The following MAPRE2 variants were observed in gnomAD, a reference collection of about 807,000 sequenced individuals.
The protein encoded by MAPRE2 is microtubule associated protein RP/EB family member 2, also known as microtubule-associated protein RP/EB family member 2.
Under a neutral mutation model 43.2 loss-of-function variants are expected in MAPRE2, and 13 were observed. That is an observed-to-expected ratio of 0.30 (90% CI 0.20 to 0.48). The LOEUF (loss-of-function observed/expected upper bound fraction) is 0.48, where lower values mean the gene tolerates loss of function less well. Ranked by LOEUF, MAPRE2 falls within the 20% of genes least tolerant of loss-of-function variation. MAPRE2 has a pLI of 0.99. For missense variants in MAPRE2, 161 were observed against 400.2 expected (o/e 0.40, Z 5.10); for synonymous variants, 135 against 148.8 (o/e 0.91, Z 0.68).
intron 6 of MAPRE2, among the ~76,000 whole-genome samples, chr18:35,138,870 C>T (rs1451168363): frequency 1.3e-5 from 2 of 152,136 alleles, no homozygotes; most frequent in East Asian, 1.9e-4. Context: ...TACTGCCTCT[C>T]AGAAAATAAG....
intron 1 of MAPRE2, 132 bp downstream of exon 1, chr18:35,041,793 T>G: frequency 6.6e-7 from 1 of 1,509,738 alleles, no homozygotes; most frequent in South Asian, 1.3e-5. Flanking sequence ...GCGGTTGTGA[T>G]TATTTGGTAT....
At chr18:35,018,641 C>G (rs2097039999) in intron 2 of MAPRE2, among the ~76,000 whole-genome samples, 1 of 151,706 alleles carries the variant, frequency 6.6e-6, no homozygotes, top group Non-Finnish European at 1.5e-5. Context: ...CTCTGAGGAT[C>G]TTTGGTATTT....
chr18:34,986,181 C>G (rs1310409889), intron 1 of MAPRE2, among the ~76,000 whole-genome samples: 1 of 152,058 alleles, frequency 6.6e-6, no homozygotes, highest in Non-Finnish European at 1.5e-5. Context: ...GCACATCATA[C>G]ATAAAAATGA....
chr18:34,982,956 T>C (rs537156310), intron 1 of MAPRE2, among the ~76,000 whole-genome samples: 60 of 152,340 alleles, frequency 3.9e-4, no homozygotes, highest in Admixed American at 1.1e-3. Context: ...TAAAGTTTTA[T>C]TGGACTGCAG....
chr18:35,097,703 G>A (rs1375948244), intron 3 of MAPRE2, 112 bp downstream of exon 3: 7 of 873,226 alleles, frequency 8.0e-6, no homozygotes, highest in Non-Finnish European at 1.2e-5. Flanking sequence ...TATCCCAACA[G>A]TAGGCTGGGG....
Position 35,097,563 on chromosome 18 carries a change from C to T in MAPRE2, c.368C>T (p.Ala123Val), listed in dbSNP as rs1908484117. ...EYIHNFKLLQASFKRMNVDKV... is the reference protein window; with the variant it reads ...EYIHNFKLLQVSFKRMNVDKV... ...ATTCACAATTTTAAACTTCTGCAAGCATCATTTAAGCGAATGAACGTTGAT... is the reference window on the plus strand; with the variant it reads ...ATTCACAATTTTAAACTTCTGCAAGTATCATTTAAGCGAATGAACGTTGAT... The change falls in exon 3 of 7, where the codon GCA (alanine) becomes GTA (valine). Residue 123 changes from alanine (A) to valine (V), a missense_variant. This residue lies in a region of MAPRE2 where 65 missense variants were observed against 246.9 expected (regional missense o/e 0.26). Transcript: ENST00000300249. The T allele has an allele frequency of 1.2e-6, 2 of 1,613,206 alleles. No individual in the cohort carries two copies. Among genetic ancestry groups the T allele is most frequent in the Non-Finnish European group, 1.7e-6 (2 of 1,179,634 alleles).
At chr18:34,990,615 G>A (rs1046569652) in intron 1 of MAPRE2, among the ~76,000 whole-genome samples, 1 of 151,938 alleles carries the variant, frequency 6.6e-6, no homozygotes, top group Non-Finnish European at 1.5e-5. Context: ...TTCATCTAGC[G>A]CTACGTTCAG....
Position 35,102,159 on chromosome 18 carries a change from G to C in MAPRE2, c.610G>C (p.Gly204Arg). 6.3e-7 allele frequency: 1 copy of C among 1,584,926 alleles called. No individual in the cohort carries two copies. The highest frequency in any genetic ancestry group is 8.6e-7 in the Non-Finnish European group (1 of 1,168,478). The change falls in exon 4 of 7, where the codon GGT becomes CGT. Residue 204 changes from glycine (G) to arginine (R), a missense_variant and splice_region_variant. Physicochemically the swap from Gly to Arg is moderately radical, Grantham distance 125. Coordinates refer to ENST00000300249, the MANE Select transcript of MAPRE2 (RefSeq NM_014268.4). Reference protein sequence around the residue: ...KSHHANSPTAGAAKSSPAAKP... With the variant: ...KSHHANSPTARAAKSSPAAKP... Reference sequence around the variant, plus strand: ...TCACCATGCAAACTCCCCCACAGCAGGTATTGTCACAATGAGATTGCGGGA... The same window carrying C: ...TCACCATGCAAACTCCCCCACAGCACGTATTGTCACAATGAGATTGCGGGA...
chr18:35,121,908 A>G (rs1472714738), intron 4 of MAPRE2, among the ~76,000 whole-genome samples: 6 of 152,222 alleles, frequency 3.9e-5, no homozygotes, highest in South Asian at 2.1e-4. Flanking sequence ...TATTCTATCA[A>G]TGTTAAGTTT....
chr18:35,065,739 A>G (rs1906805704), intron 1 of MAPRE2, among the ~76,000 whole-genome samples: 1 of 152,046 alleles, frequency 6.6e-6, no homozygotes, highest in South Asian at 2.1e-4. Flanking sequence ...TTTTTAGTAG[A>G]GACAGGATTT....
chr18:35,043,748 G>C (rs1905480959), intron 1 of MAPRE2, among the ~76,000 whole-genome samples: 1 of 152,178 alleles, frequency 6.6e-6, no homozygotes, highest in Non-Finnish European at 1.5e-5. Context: ...GAAGAAGGAA[G>C]CCTCTCAAAT....
At chr18:35,052,220 C>T (rs1339162667) in intron 1 of MAPRE2, among the ~76,000 whole-genome samples, 2 of 152,212 alleles carry the variant, frequency 1.3e-5, no homozygotes, top group East Asian at 3.8e-4. Flanking sequence ...TCCTTGTACC[C>T]TTTGCAGTCC....
intron 4 of MAPRE2, among the ~76,000 whole-genome samples, chr18:35,120,892 C>T (rs915399762): frequency 2.0e-5 from 3 of 152,012 alleles, no homozygotes; most frequent in Admixed American, 1.3e-4. Context: ...TGAGTGAGAA[C>T]GGCTAGGGGG....
At chr18:35,011,790 G>A (rs1016086175) in intron 2 of MAPRE2, among the ~76,000 whole-genome samples, 1 of 152,188 alleles carries the variant, frequency 6.6e-6, no homozygotes, top group African/African-American at 2.4e-5. Context: ...GAAAGGACTG[G>A]GGAAGGAAGA....
At chr18:35,104,230 T>C (rs1908803942) in intron 4 of MAPRE2, among the ~76,000 whole-genome samples, 1 of 152,126 alleles carries the variant, frequency 6.6e-6, no homozygotes, top group African/African-American at 2.4e-5. Context: ...TAATAGTCCC[T>C]CAGAGAATTG....
intron 1 of MAPRE2, among the ~76,000 whole-genome samples, chr18:35,043,438 G>T (rs1285937148): frequency 6.6e-6 from 1 of 152,166 alleles, no homozygotes; most frequent in Admixed American, 6.5e-5. Context: ...ACTTGAAACG[G>T]CAGTGGAAAA....
At chr18:35,069,300 A>C (rs1906990048) in intron 1 of MAPRE2, among the ~76,000 whole-genome samples, 1 of 152,244 alleles carries the variant, frequency 6.6e-6, no homozygotes, top group Non-Finnish European at 1.5e-5. Flanking sequence ...AAGCAATCTG[A>C]AGTTAAATTT....
At chr18:34,985,495 TTATATAATATATAATATATATATTATATA>T (rs2097019958) in intron 1 of MAPRE2, among the ~76,000 whole-genome samples, 2 of 43,398 alleles carry the variant, frequency 4.6e-5, no homozygotes, top group African/African-American at 1.8e-4. Flanking sequence ...ATATTGTATA[TTATATAATATATAATATATATATTATATA>T]TTATAAATAT....
intron 2 of MAPRE2, among the ~76,000 whole-genome samples, chr18:35,016,007 A>G (rs956864084): frequency 1.3e-5 from 2 of 151,930 alleles, no homozygotes; most frequent in East Asian, 1.9e-4. Flanking sequence ...CTTTATGTCC[A>G]TAAGTACCCA....
Sources: allele counts gnomAD v4.1 joint callset (sites outside exome capture counted in the v4.1 genomes callset), GRCh38; gene constraint gnomAD v4.1.1; regional missense constraint gnomAD v4.1.1; transcripts MANE v1.5; gene names NCBI Gene and HGNC (gene_info 2026-07-23, HGNC 2026-07-21).